The following MDGA2 variants were observed in gnomAD, a reference collection of about 807,000 sequenced individuals.
MDGA2 encodes MAM domain containing glycosylphosphatidylinositol anchor 2.
In MDGA2, 40 loss-of-function variants were observed where a neutral mutation model predicts 117.8. The ratio of observed to expected loss-of-function variants is 0.34; its 90% confidence interval spans 0.26 to 0.44. The LOEUF (loss-of-function observed/expected upper bound fraction) is 0.44, where lower values mean the gene tolerates loss of function less well. Among genes scored for constraint, MDGA2 ranks in the 20% least tolerant of loss-of-function variants. The pLI is 1.00. For synonymous variants in MDGA2, 452 were observed against 439.0 expected (o/e 1.03, Z -0.37); for missense variants, 1,123 against 1,250.6 (o/e 0.90, Z 1.54).
intron 8 of MDGA2, among the ~76,000 whole-genome samples, chr14:47,022,789 AT>A (rs1336977556): frequency 2.0e-5 from 3 of 152,192 alleles, no homozygotes; most frequent in African/African-American, 7.2e-5. Flanking sequence ...TCAAATGTGC[AT>A]AAGAGAATAA....
chr14:47,560,870 A>T (rs902235401), intron 1 of MDGA2, among the ~76,000 whole-genome samples: 1 of 152,102 alleles, frequency 6.6e-6, no homozygotes, highest in Non-Finnish European at 1.5e-5. Flanking sequence ...GATTTTTTAT[A>T]TATGGGGTAA....
chr14:46,850,416 A>G (rs1881012742), intron 15 of MDGA2, among the ~76,000 whole-genome samples: 1 of 151,808 alleles, frequency 6.6e-6, no homozygotes. Context: ...TTCATTGTTA[A>G]TGGTGACTTC....
intron 1 of MDGA2, among the ~76,000 whole-genome samples, chr14:47,414,086 T>G (rs1383314097): frequency 6.6e-6 from 1 of 152,112 alleles, no homozygotes; most frequent in Admixed American, 6.6e-5. Context: ...AGATATAATG[T>G]CACTCAGGAA....
chr14:47,491,234 G>A (rs1414713740), intron 1 of MDGA2, among the ~76,000 whole-genome samples: 1 of 152,032 alleles, frequency 6.6e-6, no homozygotes, highest in African/African-American at 2.4e-5. Flanking sequence ...CTCAAGCTGT[G>A]ACCAAATGCC....
intron 4 of MDGA2, among the ~76,000 whole-genome samples, chr14:47,139,931 TA>T (rs1307548987): frequency 2.1e-5 from 3 of 146,282 alleles, no homozygotes; most frequent in Non-Finnish European, 1.5e-5. Flanking sequence ...GAGAGAGGCA[TA>T]AAAACACTAG....
At chr14:47,405,549 AAACT>A (rs1411729322) in intron 1 of MDGA2, among the ~76,000 whole-genome samples, 6 of 152,210 alleles carry the variant, frequency 3.9e-5, no homozygotes, top group Non-Finnish European at 8.8e-5. Flanking sequence ...GAAAAAAATG[AAACT>A]ATCAGTCCCC....
At chr14:47,054,391 G>C (rs1889589162) in intron 7 of MDGA2, among the ~76,000 whole-genome samples, 1 of 151,510 alleles carries the variant, frequency 6.6e-6, no homozygotes, top group African/African-American at 2.4e-5. Flanking sequence ...TGTTACATAT[G>C]TACATGTGCC....
chr14:47,534,627 C>T (rs1002375761), intron 1 of MDGA2, among the ~76,000 whole-genome samples: 1 of 152,142 alleles, frequency 6.6e-6, no homozygotes, highest in African/African-American at 2.4e-5. Context: ...CTCCAATCAC[C>T]TCCCACCAAG....
intron 3 of MDGA2, among the ~76,000 whole-genome samples, chr14:47,181,382 T>C (rs1482715976): frequency 6.6e-6 from 1 of 152,088 alleles, no homozygotes; most frequent in African/African-American, 2.4e-5. Flanking sequence ...AACCTAAATG[T>C]CCATCAATGA....
intron 9 of MDGA2, among the ~76,000 whole-genome samples, chr14:46,954,011 A>G (rs370245363): frequency 1.3e-5 from 2 of 152,070 alleles, no homozygotes; most frequent in East Asian, 1.9e-4. Context: ...TTTCTCTGCT[A>G]TATTGTGTAA....
intron 3 of MDGA2, among the ~76,000 whole-genome samples, chr14:47,185,749 T>G (rs1219523629): frequency 1.3e-5 from 2 of 151,658 alleles, no homozygotes; most frequent in Non-Finnish European, 3.0e-5. Flanking sequence ...TAAATCTTAT[T>G]TATAAACATA....
intron 5 of MDGA2, among the ~76,000 whole-genome samples, chr14:47,124,307 T>G (rs1343462860): frequency 1.3e-5 from 2 of 152,150 alleles, no homozygotes; most frequent in African/African-American, 4.8e-5. Context: ...AAATCCATGA[T>G]GTATAACAGG....
intron 8 of MDGA2, among the ~76,000 whole-genome samples, chr14:46,991,285 A>C (rs1887085146): frequency 6.6e-6 from 1 of 152,186 alleles, no homozygotes; most frequent in African/African-American, 2.4e-5. Context: ...CTTTTATAGA[A>C]TGTAAAGAAG....
At chr14:47,037,672 C>A (rs41354245) in intron 7 of MDGA2, among the ~76,000 whole-genome samples, 11,064 of 152,084 alleles carry the variant, frequency 0.073, 585 homozygotes, top group Admixed American at 0.17. Context: ...GTGGATAAGG[C>A]CAACATCTAT....
Position 47,351,172 on chromosome 14 carries a change from C to A in MDGA2, c.281-49622G>T, listed in dbSNP as rs112510739. Among the ~76,000 whole-genome samples the A allele has an allele frequency of 1.4e-4, 21 of 151,546 alleles. 1 individual carries two copies. Among genetic ancestry groups the A allele is most frequent in the African/African-American group, 4.8e-4 (20 of 41,346 alleles). On this transcript the variant is annotated intron_variant, in intron 1 of 16. Transcript: ENST00000399232. ...TGTCTCACCCCCGCAACCTCTGCCTCCCGGGTTCAAGCGATTTTCCTGCCT... is the reference window on the plus strand; with the variant it reads ...TGTCTCACCCCCGCAACCTCTGCCTACCGGGTTCAAGCGATTTTCCTGCCT...
intron 12 of MDGA2, among the ~76,000 whole-genome samples, chr14:46,877,287 A>C (rs1882270876): frequency 6.6e-6 from 1 of 151,634 alleles, no homozygotes; most frequent in Non-Finnish European, 1.5e-5. Flanking sequence ...TATAAACCTC[A>C]ATTATCAGTA....
rs780627482 is a variant in MDGA2 at position 46,841,930 on chromosome 14, G to A, written c.*1C>T. The A allele has an allele frequency of 2.5e-6, 4 of 1,602,108 alleles. No individual in the cohort carries two copies. The highest frequency in any genetic ancestry group is 3.4e-6 in the Non-Finnish European group (4 of 1,171,448). On this transcript the variant is annotated 3_prime_UTR_variant, in exon 17 of 17. Transcript: ENST00000399232. ...CTTTTATAGCCTCTGCCAGGATAAG[G>A]TCACCTTCGAGGACTTAAGATAGAG... is the stretch of plus-strand genomic sequence containing the variant.
intron 1 of MDGA2, among the ~76,000 whole-genome samples, chr14:47,617,994 C>A (rs1896978287): frequency 1.3e-5 from 2 of 152,164 alleles, no homozygotes; most frequent in South Asian, 4.1e-4. Context: ...ATCTGAGAGT[C>A]TGAATTCAGC....
chr14:47,221,857 A>G (rs1005567602), intron 2 of MDGA2, among the ~76,000 whole-genome samples: 1 of 151,864 alleles, frequency 6.6e-6, no homozygotes, highest in African/African-American at 2.4e-5. Context: ...GTGTATATAT[A>G]TTTGGGGTAC....
Sources: gnomAD v4.1 joint callset for allele counts (sites outside exome capture counted in the v4.1 genomes callset) on GRCh38, gnomAD v4.1.1 for gene constraint, MANE v1.5 for transcripts, NCBI Gene and HGNC (gene_info 2026-07-23, HGNC 2026-07-21) for gene names.